GRIP1: variants seen among roughly 807,000 people sequenced by gnomAD.
GRIP1 encodes glutamate receptor interacting protein 1.
Under a neutral mutation model 129.9 loss-of-function variants are expected in GRIP1, and 45 were observed. The observed-to-expected ratio is 0.35, with a 90% CI of 0.27 to 0.44. The LOEUF (loss-of-function observed/expected upper bound fraction) is 0.44. Ranked by LOEUF, GRIP1 falls within the 20% of genes least tolerant of loss-of-function variation. The pLI is 1.00. For missense variants in GRIP1, 1,196 were observed against 1,396.8 expected, an observed-to-expected ratio of 0.86 and a Z score of 2.29; for synonymous variants, 530 against 520.8, an observed-to-expected ratio of 1.02 and a Z score of -0.24.
intron 2 of GRIP1, among the ~76,000 whole-genome samples, chr12:66,574,370 TC>T (rs1404579243): frequency 2.6e-5 from 4 of 152,272 alleles, no homozygotes; most frequent in African/African-American, 9.6e-5. Context: ...GCACTCTCCT[TC>T]TACTCCTCCC....
intron 1 of GRIP1, among the ~76,000 whole-genome samples, chr12:66,670,095 G>C (rs2034003704): frequency 6.6e-6 from 1 of 152,128 alleles, no homozygotes; most frequent in South Asian, 2.1e-4. Flanking sequence ...GAACTCCTTT[G>C]CATGAGTAGC....
intron 12 of GRIP1, among the ~76,000 whole-genome samples, chr12:66,445,047 T>G (rs986845091): frequency 6.6e-6 from 1 of 152,252 alleles, no homozygotes; most frequent in Non-Finnish European, 1.5e-5. Context: ...CTATTGAAGT[T>G]GAACTTCAGG....
intron 1 of GRIP1, among the ~76,000 whole-genome samples, chr12:66,615,837 G>T (rs1404763946): frequency 6.6e-6 from 1 of 151,954 alleles, no homozygotes; most frequent in African/African-American, 2.4e-5. Context: ...TAGAGGCAGG[G>T]TTTCACCATG....
At chr12:67,065,253 C>G (rs527812940) in intron 1 of GRIP1, 1 of 152,144 alleles carries the variant, frequency 6.6e-6, no homozygotes, top group South Asian at 2.1e-4. Context: ...GCAGAAGGAT[C>G]TCTTGAGCCC....
intron 1 of GRIP1, among the ~76,000 whole-genome samples, chr12:66,838,882 C>G (rs2039664619): frequency 6.6e-6 from 1 of 152,114 alleles, no homozygotes; most frequent in Non-Finnish European, 1.5e-5. Context: ...AGGCAGACTT[C>G]TATGTAGCCA....
At chr12:66,501,308 G>C (rs17102565) in intron 7 of GRIP1, among the ~76,000 whole-genome samples, 1 of 152,088 alleles carries the variant, frequency 6.6e-6, no homozygotes, top group African/African-American at 2.4e-5. Context: ...AATACTGTTG[G>C]ACAAAGATAG....
intron 1 of GRIP1, among the ~76,000 whole-genome samples, chr12:66,856,632 T>A (rs556396476): frequency 1.6e-3 from 247 of 151,834 alleles, no homozygotes; most frequent in Admixed American, 3.2e-3. Flanking sequence ...ATGCTCATCA[T>A]CACTGGCCAT....
chr12:66,474,711 T>C (rs1402982613), intron 7 of GRIP1, among the ~76,000 whole-genome samples: 1 of 152,154 alleles, frequency 6.6e-6, no homozygotes, highest in African/African-American at 2.4e-5. Context: ...ACCCAGAATT[T>C]CATATCCAGT....
intron 11 of GRIP1, among the ~76,000 whole-genome samples, chr12:66,453,572 G>A (rs1209246614): frequency 6.6e-6 from 1 of 152,206 alleles, no homozygotes; most frequent in Non-Finnish European, 1.5e-5. Context: ...GCCGATGACA[G>A]TTAACACAAA....
At chr12:66,646,074 G>A (rs764850526) in intron 1 of GRIP1, among the ~76,000 whole-genome samples, 1 of 152,112 alleles carries the variant, frequency 6.6e-6, no homozygotes, top group Non-Finnish European at 1.5e-5. Flanking sequence ...CTCACAATGG[G>A]CCACAATGTC....
At chr12:66,752,773 A>T (rs1258885712) in intron 1 of GRIP1, among the ~76,000 whole-genome samples, 1 of 152,160 alleles carries the variant, frequency 6.6e-6, no homozygotes, top group African/African-American at 2.4e-5. Context: ...CTGTCTAGGG[A>T]AACTGTAGGG....
At chr12:66,588,697 G>A (rs1291508866) in intron 2 of GRIP1, among the ~76,000 whole-genome samples, 1 of 151,978 alleles carries the variant, frequency 6.6e-6, no homozygotes, top group Non-Finnish European at 1.5e-5. Flanking sequence ...CTGGTGGGGT[G>A]CAGTGGCTTA....
intron 1 of GRIP1, among the ~76,000 whole-genome samples, chr12:66,699,890 G>A (rs892833080): frequency 3.9e-5 from 6 of 152,150 alleles, no homozygotes; most frequent in Admixed American, 3.9e-4. Flanking sequence ...GCGGGAAGGA[G>A]TCAAGGAGTA....
intron 1 of GRIP1, among the ~76,000 whole-genome samples, chr12:66,929,012 GC>G (rs1566082491): frequency 6.6e-6 from 1 of 152,162 alleles, no homozygotes; most frequent in East Asian, 1.9e-4. Flanking sequence ...TAAATAACTT[GC>G]CCAAAGTTCT....
At chr12:66,383,293 TCTCAAA>T (rs1017491506) in intron 19 of GRIP1, among the ~76,000 whole-genome samples, 4 of 117,030 alleles carry the variant, frequency 3.4e-5, no homozygotes, top group African/African-American at 1.2e-4. Flanking sequence ...CGACACTCTG[TCTCAAA>T]AACAACAACA....
chr12:66,796,502 C>T (rs919626888), intron 1 of GRIP1, among the ~76,000 whole-genome samples: 2 of 152,142 alleles, frequency 1.3e-5, no homozygotes, highest in South Asian at 4.1e-4. Context: ...TCCCAACATC[C>T]TGTTCTCCAA....
intron 23 of GRIP1, among the ~76,000 whole-genome samples, chr12:66,371,158 A>ATTTT (rs561040544): frequency 8.9e-5 from 12 of 134,998 alleles, no homozygotes; most frequent in African/African-American, 2.5e-4. Context: ...GCCATAAATA[A>ATTTT]TTTTTTTTTT....
chr12:66,588,780 C>G (rs139731428), intron 2 of GRIP1, among the ~76,000 whole-genome samples: 1,781 of 151,792 alleles, frequency 0.012, 25 homozygotes, highest in South Asian at 0.021. Flanking sequence ...ACCAGCCTGG[C>G]CAACATAATG....
At chr12:66,746,886 C>G (rs1165039073) in intron 1 of GRIP1, among the ~76,000 whole-genome samples, 25 of 152,178 alleles carry the variant, frequency 1.6e-4, no homozygotes, top group Admixed American at 1.6e-3. Flanking sequence ...TTCCAGGTAT[C>G]TATTGTCCCT....
Sources: gnomAD v4.1 joint callset for allele counts (sites outside exome capture counted in the v4.1 genomes callset) on GRCh38, gnomAD v4.1.1 for gene constraint, MANE v1.5 for transcripts, NCBI Gene and HGNC (gene_info 2026-07-23, HGNC 2026-07-21) for gene names.